AUTS2: variants seen among roughly 807,000 people sequenced by gnomAD.
AUTS2 encodes the protein activator of transcription and developmental regulator AUTS2.
A neutral mutation model predicts 112.4 loss-of-function variants in AUTS2; 17 were observed. The observed-to-expected ratio is 0.15, with a 90% CI of 0.10 to 0.23. AUTS2 has a LOEUF of 0.23. Ranked by LOEUF, AUTS2 falls within the 10% of genes least tolerant of loss-of-function variation. The pLI is 1.00. For missense variants in AUTS2, 1,510 were observed against 1,701.6 expected, an observed-to-expected ratio of 0.89 and a Z score of 1.98; for synonymous variants, 751 against 702.7, an observed-to-expected ratio of 1.07 and a Z score of -1.09.
intron 4 of AUTS2, among the ~76,000 whole-genome samples, chr7:70,221,074 T>C (rs1490509121): frequency 6.6e-6 from 1 of 152,098 alleles, no homozygotes; most frequent in East Asian, 1.9e-4. Context: ...TTTGGCTAAT[T>C]GTAAATAATG....
intron 1 of AUTS2, among the ~76,000 whole-genome samples, chr7:69,876,477 A>ATT (rs2129536848): frequency 1.5e-5 from 1 of 67,388 alleles, no homozygotes; most frequent in Non-Finnish European, 2.7e-5. Flanking sequence ...TACATAAAAT[A>ATT]TTTTGTGTAT....
At chr7:70,786,922 A>T in intron 17 of AUTS2, 1 of 487,336 alleles carries the variant, frequency 2.1e-6, no homozygotes, top group Non-Finnish European at 3.7e-6. Context: ...AGATACGTTG[A>T]ATTAGGTCAT....
intron 1 of AUTS2, among the ~76,000 whole-genome samples, chr7:69,887,530 A>G (rs1220494230): frequency 6.6e-6 from 1 of 152,148 alleles, no homozygotes; most frequent in Non-Finnish European, 1.5e-5. Flanking sequence ...TACGGTAACT[A>G]CAATAGAATC....
chr7:70,479,937 CA>C (rs780135964), intron 5 of AUTS2, among the ~76,000 whole-genome samples: 8 of 152,228 alleles, frequency 5.3e-5, no homozygotes, highest in Non-Finnish European at 1.0e-4. Context: ...TAATAGCTTA[CA>C]TTTTTTTAGG....
chr7:69,825,217 G>A (rs1402152187), intron 1 of AUTS2, among the ~76,000 whole-genome samples: 1 of 152,146 alleles, frequency 6.6e-6, no homozygotes, highest in East Asian at 1.9e-4. Context: ...CTGTCAGTAT[G>A]AGAGAAAGCT....
At chr7:70,197,484 C>A (rs902164401) in intron 4 of AUTS2, among the ~76,000 whole-genome samples, 1 of 137,136 alleles carries the variant, frequency 7.3e-6, no homozygotes, top group Non-Finnish European at 1.6e-5. Context: ...AGTGTGTGTG[C>A]GCACCGTGCG....
intron 2 of AUTS2, among the ~76,000 whole-genome samples, chr7:70,103,185 A>G (rs1804591012): frequency 6.6e-6 from 1 of 152,224 alleles, no homozygotes; most frequent in Non-Finnish European, 1.5e-5. Context: ...TTGCCCATAA[A>G]TTATTAATAC....
chr7:70,607,293 A>G (rs1256732904), intron 5 of AUTS2, among the ~76,000 whole-genome samples: 2 of 152,152 alleles, frequency 1.3e-5, no homozygotes, highest in Non-Finnish European at 2.9e-5. Context: ...TTTTTAAAAT[A>G]AGTATGCCTC....
intron 4 of AUTS2, among the ~76,000 whole-genome samples, chr7:70,155,423 A>C (rs1265901155): frequency 6.6e-6 from 1 of 151,822 alleles, no homozygotes; most frequent in African/African-American, 2.4e-5. Flanking sequence ...TTGTGGCCTC[A>C]ACATACAGGT....
rs534173367 is a variant in AUTS2 at position 70,606,269 on chromosome 7, A to G, written c.691-92300A>G. Reference sequence around the variant, plus strand: ...AGGAATTCTACTTGAAGCCTATGAGATTAACTAGACGATTTAGGACTTAGG... The same window carrying G: ...AGGAATTCTACTTGAAGCCTATGAGGTTAACTAGACGATTTAGGACTTAGG... On this transcript the variant is annotated intron_variant, in intron 5 of 18. Transcript: ENST00000342771. 1.5e-4 allele frequency among the ~76,000 whole-genome samples: 23 copies of G among 152,338 alleles called. No homozygotes were observed. The South Asian group carries it at 4.8e-3, about 32-fold the overall frequency.
At chr7:70,497,921 C>T (rs191154886) in intron 5 of AUTS2, among the ~76,000 whole-genome samples, 4 of 152,184 alleles carry the variant, frequency 2.6e-5, no homozygotes, top group South Asian at 2.1e-4. Flanking sequence ...CTACTCCAGC[C>T]GCAATAGTCC....
intron 1 of AUTS2, among the ~76,000 whole-genome samples, chr7:69,855,052 G>A (rs936657416): frequency 8.5e-5 from 13 of 152,212 alleles, no homozygotes; most frequent in African/African-American, 3.1e-4. Flanking sequence ...TCAAGTACAT[G>A]TTTTGAGATT....
At chr7:69,874,820 A>G (rs1268638614) in intron 1 of AUTS2, among the ~76,000 whole-genome samples, 1 of 151,882 alleles carries the variant, frequency 6.6e-6, no homozygotes, top group Non-Finnish European at 1.5e-5. Context: ...CACCATGCCC[A>G]GCTATTTTTG....
chr7:69,742,133 G>C (rs975667956), intron 1 of AUTS2, among the ~76,000 whole-genome samples: 1 of 139,372 alleles, frequency 7.2e-6, no homozygotes, highest in Non-Finnish European at 1.5e-5. Flanking sequence ...TTTTTTTTGA[G>C]GGGGGAGGGC....
chr7:70,332,328 G>GA lies in AUTS2; in HGVS notation c.661-103419dup, dbSNP rs1280308729. On this transcript the variant is annotated intron_variant, in intron 4 of 18. Coordinates refer to ENST00000342771, the MANE Select transcript of AUTS2 (RefSeq NM_015570.4). Reference sequence around the variant, plus strand: ...AAATAAGAGAGGACACAAACAGATGGAAAAATAGTCCATGCTCATGGATAG... The same window carrying GA: ...AAATAAGAGAGGACACAAACAGATGGAAAAAATAGTCCATGCTCATGGATAG... 1.5e-4 allele frequency among the ~76,000 whole-genome samples: 23 copies of GA among 152,224 alleles called. No individual in the cohort carries two copies. The East Asian group carries it at 3.9e-3, about 26-fold the overall frequency.
chr7:69,673,735 T>C (rs1305873211), intron 1 of AUTS2, among the ~76,000 whole-genome samples: 1 of 152,224 alleles, frequency 6.6e-6, no homozygotes, highest in East Asian at 1.9e-4. Flanking sequence ...CTAATAGTAC[T>C]GGGGTTTGAT....
intron 5 of AUTS2, among the ~76,000 whole-genome samples, chr7:70,520,267 C>T (rs1229557841): frequency 2.6e-5 from 4 of 152,180 alleles, no homozygotes; most frequent in East Asian, 1.9e-4. Context: ...AGCTTAAAGT[C>T]CTGCATGACC....
chr7:70,092,568 A>G (rs560400976), intron 2 of AUTS2, among the ~76,000 whole-genome samples: 6 of 151,518 alleles, frequency 4.0e-5, no homozygotes, highest in Admixed American at 2.6e-4. Context: ...ACAACCCCAG[A>G]GTAGTGACTT....
At chr7:70,247,951 T>G (rs572589837) in intron 4 of AUTS2, among the ~76,000 whole-genome samples, 1 of 152,300 alleles carries the variant, frequency 6.6e-6, no homozygotes, top group African/African-American at 2.4e-5. Flanking sequence ...TTATCATGAA[T>G]GACTGTCAGA....
Sources: allele counts gnomAD v4.1 joint callset (sites outside exome capture counted in the v4.1 genomes callset), GRCh38; gene constraint gnomAD v4.1.1; transcripts MANE v1.5; gene names NCBI Gene and HGNC (gene_info 2026-07-23, HGNC 2026-07-21).